The following ELAPOR2 variants were observed in gnomAD, a reference collection of about 807,000 sequenced individuals.
ELAPOR2 encodes the protein endosome/lysosome-associated apoptosis and autophagy regulator family member 2.
Under a neutral mutation model 120.7 loss-of-function variants are expected in ELAPOR2, and 89 were observed. The ratio of observed to expected loss-of-function variants is 0.74; its 90% CI spans 0.62 to 0.88. The LOEUF is 0.88. ELAPOR2 is among the 40% of genes least tolerant of loss of function. ELAPOR2 has a pLI of 0.00. For synonymous variants in ELAPOR2, 444 were observed against 444.9 expected (o/e 1.00, Z 0.03); for missense variants, 1,134 against 1,251.6 (o/e 0.91, Z 1.42).
At chr7:86,900,550 G>C (rs563260858) in intron 18 of ELAPOR2, among the ~76,000 whole-genome samples, 3 of 152,150 alleles carry the variant, frequency 2.0e-5, no homozygotes, top group African/African-American at 7.2e-5. Context: ...AAAAAATCAC[G>C]ACACTGATTT....
At position 86,919,444 on chromosome 7, in the gene ELAPOR2, CT is replaced by C. The variant is rs1789720557; in HGVS notation, c.1400-135del. The C allele has an allele frequency of 5.7e-6, 3 of 529,518 alleles. No homozygotes were observed. The East Asian group carries it at 9.6e-5, about 17-fold the overall frequency. 32.8% of individuals were successfully genotyped at this position (529,518 alleles called of 1,614,324 possible). A position where few individuals can be genotyped will look rare whatever the true frequency, so the allele number is the denominator to read the frequency against. ...GTTAGAAATGCTACAAATGAATTCCCTATTTTTAATCACAGTCGCAAATTTC... is the reference window on the plus strand; with the variant it reads ...GTTAGAAATGCTACAAATGAATTCCCATTTTTAATCACAGTCGCAAATTTC... On this transcript the variant is annotated intron_variant, in intron 10 of 21. Coordinates refer to ENST00000450689, the MANE Select transcript of ELAPOR2 (RefSeq NM_001142749.3).
intron 5 of ELAPOR2, chr7:86,941,469 CAG>C: frequency 2.1e-6 from 1 of 487,442 alleles, no homozygotes; most frequent in Non-Finnish European, 4.3e-6. Flanking sequence ...AGGTAGGAGG[CAG>C]GTTGAGGCTC....
At chr7:86,983,002 G>A (rs1251149501) in intron 1 of ELAPOR2, among the ~76,000 whole-genome samples, 6 of 152,158 alleles carry the variant, frequency 3.9e-5, no homozygotes, top group African/African-American at 1.2e-4. Flanking sequence ...ATGGCCTGAC[G>A]GAGCTGAAAA....
In ELAPOR2 at chr7:86,893,026, G is replaced by A. The variant is rs1477078546; in HGVS notation, c.2760C>T (p.Thr920=). The A allele has an allele frequency of 6.3e-7, 1 of 1,587,390 alleles. No individual in the cohort carries two copies. Among genetic ancestry groups the A allele is most frequent in the Non-Finnish European group, 8.5e-7 (1 of 1,170,446 alleles). ...TCAGCCAAAAGTCAACCGTTTCACA[G>A]GTTGCCAACTTTTTCTCAGGCAAAG... is the stretch of plus-strand genomic sequence containing the variant. ...GISLPEKKLA[T]CETVDFWLKV... The change falls in exon 20 of 22, where the codon ACC becomes ACT. Residue 920 remains threonine, a synonymous_variant. Transcript: ENST00000450689.
At chr7:87,048,874 C>T (rs1168741776) in intron 1 of ELAPOR2, among the ~76,000 whole-genome samples, 1 of 152,144 alleles carries the variant, frequency 6.6e-6, no homozygotes, top group Non-Finnish European at 1.5e-5. Flanking sequence ...CCAGAGTATA[C>T]AGTTTATGTC....
chr7:87,043,023 A>C (rs1562983045), intron 1 of ELAPOR2, among the ~76,000 whole-genome samples: 1 of 152,230 alleles, frequency 6.6e-6, no homozygotes, highest in African/African-American at 2.4e-5. Flanking sequence ...GAAATGGATA[A>C]ATTCCTTGAC....
In ELAPOR2 at chr7:87,009,062, G is replaced by A. The variant is rs945986195; in HGVS notation, c.190-44038C>T. 2.6e-5 allele frequency among the ~76,000 whole-genome samples: 4 copies of A among 152,096 alleles called. No homozygotes were observed. The East Asian group carries it at 5.8e-4, about 22-fold the overall frequency. ...CTGACTGATGAATTTAAAAAAATTA[G>A]ATCCCTAATTTTGTTAAGCAATGCT... On this transcript the variant is annotated intron_variant, in intron 1 of 21. Transcript: ENST00000450689.
At chr7:86,981,651 C>T (rs568348893) in intron 1 of ELAPOR2, among the ~76,000 whole-genome samples, 1 of 152,222 alleles carries the variant, frequency 6.6e-6, no homozygotes, top group African/African-American at 2.4e-5. Context: ...TCAGGAAGCA[C>T]CTCCTTCTGG....
chr7:87,045,757 A>AT (rs1199744595), intron 1 of ELAPOR2, among the ~76,000 whole-genome samples: 1 of 151,644 alleles, frequency 6.6e-6, no homozygotes, highest in Admixed American at 6.6e-5. Flanking sequence ...TTAAAGTATA[A>AT]TAAAAAATAA....
At chr7:86,992,887 C>T (rs1475792905) in intron 1 of ELAPOR2, among the ~76,000 whole-genome samples, 1 of 152,056 alleles carries the variant, frequency 6.6e-6, no homozygotes, top group African/African-American at 2.4e-5. Context: ...GATCATGATC[C>T]TCTATCATCT....
intron 18 of ELAPOR2, among the ~76,000 whole-genome samples, chr7:86,902,456 G>T (rs772689993): frequency 2.0e-5 from 3 of 152,178 alleles, no homozygotes; most frequent in African/African-American, 7.2e-5. Context: ...GATTACAGGC[G>T]TAAGCCACTG....
chr7:86,899,709 G>C (rs529007145), intron 18 of ELAPOR2, among the ~76,000 whole-genome samples: 1 of 152,220 alleles, frequency 6.6e-6, no homozygotes, highest in East Asian at 1.9e-4. Flanking sequence ...AGACTAAGCA[G>C]AGGTGGTGGG....
intron 1 of ELAPOR2, among the ~76,000 whole-genome samples, chr7:87,024,496 G>A (rs1794176814): frequency 6.6e-6 from 1 of 152,130 alleles, no homozygotes; most frequent in Non-Finnish European, 1.5e-5. Flanking sequence ...CTGCATCAAT[G>A]TTCATCAGGG....
chr7:86,934,457 C>A (rs1790475365), intron 8 of ELAPOR2, among the ~76,000 whole-genome samples: 1 of 151,944 alleles, frequency 6.6e-6, no homozygotes, highest in African/African-American at 2.4e-5. Context: ...TTCAATGTTG[C>A]CAAATCCAAT....
At chr7:86,979,415 AG>A (rs1792385496) in intron 1 of ELAPOR2, among the ~76,000 whole-genome samples, 1 of 152,236 alleles carries the variant, frequency 6.6e-6, no homozygotes, top group African/African-American at 2.4e-5. Context: ...AGAAGCTTTT[AG>A]GGGTATTTAT....
intron 1 of ELAPOR2, among the ~76,000 whole-genome samples, chr7:87,023,450 C>T (rs1794131762): frequency 1.3e-5 from 2 of 152,220 alleles, no homozygotes; most frequent in African/African-American, 4.8e-5. Flanking sequence ...CAGTACCATG[C>T]TGTTTTGGTT....
chr7:87,049,321 G>A (rs944332894), intron 1 of ELAPOR2, among the ~76,000 whole-genome samples: 17 of 151,502 alleles, frequency 1.1e-4, no homozygotes, highest in Non-Finnish European at 2.4e-4. Flanking sequence ...TCGCTCTGTC[G>A]CCCAGGCTGG....
intron 1 of ELAPOR2, among the ~76,000 whole-genome samples, chr7:87,039,836 T>A (rs1309551854): frequency 6.6e-6 from 1 of 152,092 alleles, no homozygotes; most frequent in African/African-American, 2.4e-5. Flanking sequence ...GACGGGTGAT[T>A]TCTGCATTTC....
In ELAPOR2 at chr7:86,877,057, C is replaced by T. The variant is rs1799195908; in HGVS notation, c.*3414G>A. On this transcript the variant is annotated 3_prime_UTR_variant, in exon 22 of 22. Transcript: ENST00000450689. ...AAAGCCAAAACTATGTACTATCTGA[C>T]CCTTTACAAAAAAAATGTTTGCTGG... is the stretch of plus-strand genomic sequence containing the variant. The T allele has an allele frequency of 6.6e-6, 1 of 151,990 alleles. No homozygotes were observed. Among genetic ancestry groups the T allele is most frequent in the South Asian group, 2.1e-4 (1 of 4,826 alleles). 9.4% of individuals were successfully genotyped at this position (151,990 alleles called of 1,614,324 possible). A position where few individuals can be genotyped will look rare whatever the true frequency, so the allele number is the denominator to read the frequency against.
Sources: allele counts gnomAD v4.1 joint callset (sites outside exome capture counted in the v4.1 genomes callset), GRCh38; gene constraint gnomAD v4.1.1; transcripts MANE v1.5; gene names NCBI Gene and HGNC (gene_info 2026-07-23, HGNC 2026-07-21).